The following ADD1 variants were observed in gnomAD, a reference collection of about 807,000 sequenced individuals.
ADD1 encodes the protein alpha-adducin.
In ADD1, 24 loss-of-function variants were observed where a neutral mutation model predicts 80.5. The observed-to-expected ratio is 0.30, with a 90% confidence interval of 0.22 to 0.42. The LOEUF (loss-of-function observed/expected upper bound fraction) is 0.42, where lower values mean the gene tolerates loss of function less well. Among genes scored for constraint, ADD1 ranks in the 10% least tolerant of loss-of-function variants. ADD1 has a pLI of 1.00. For missense variants in ADD1, 948 were observed against 1,019.0 expected (o/e 0.93, Z 0.95); for synonymous variants, 373 against 393.8 (o/e 0.95, Z 0.63).
intron 2 of ADD1, among the ~76,000 whole-genome samples, chr4:2,878,474 G>T (rs192183778): frequency 2.6e-5 from 4 of 152,174 alleles, no homozygotes; most frequent in Admixed American, 2.6e-4. Context: ...GTTTACTTAC[G>T]TAAAAACAAC....
intron 14 of ADD1, among the ~76,000 whole-genome samples, chr4:2,922,884 A>G (rs1299583042): frequency 1.3e-5 from 2 of 152,242 alleles, no homozygotes; most frequent in African/African-American, 2.4e-5. Flanking sequence ...GGCTTTGCAT[A>G]GCTGCGGTGG....
In ADD1 at chr4:2,926,069, G is replaced by C; in HGVS notation, c.2004G>C (p.Ala668=). The C allele has an allele frequency of 1.2e-6, 2 of 1,614,140 alleles. No homozygotes were observed. The highest frequency in any genetic ancestry group is 1.7e-6 in the Non-Finnish European group (2 of 1,180,020). Reference sequence around the variant, plus strand: ...AAAAGAGTCCTCCAGACCAGCCTGCGGTCCCCCACCCGCCTCCCAGCACTC... The same window carrying C: ...AAAAGAGTCCTCCAGACCAGCCTGCCGTCCCCCACCCGCCTCCCAGCACTC... ...QKEKSPPDQP[A]VPHPPPSTPI... The change falls in exon 15 of 16, where the codon GCG becomes GCC. Residue 668 remains alanine (A), a synonymous_variant. Transcript: ENST00000683351. This position sits in a 1 kb window ranked among gnomAD's most constrained non-coding sequence, Gnocchi z 5.0.
chr4:2,911,448 ATTT>A (rs33935514), intron 13 of ADD1, among the ~76,000 whole-genome samples: 1 of 130,512 alleles, frequency 7.7e-6, no homozygotes, highest in Non-Finnish European at 1.6e-5. Flanking sequence ...ATATATATAT[ATTT>A]TTTTTTTTTT....
intron 1 of ADD1, among the ~76,000 whole-genome samples, chr4:2,865,809 A>G (rs896512604): frequency 3.9e-5 from 6 of 152,188 alleles, no homozygotes; most frequent in Non-Finnish European, 7.3e-5. Context: ...ACTTCAACAA[A>G]ACTATAGTTA....
chr4:2,874,340 C>G (rs1730916177), intron 1 of ADD1, among the ~76,000 whole-genome samples: 1 of 152,174 alleles, frequency 6.6e-6, no homozygotes, highest in African/African-American at 2.4e-5. Context: ...GGGGCGGTGG[C>G]TAACGCCTAT....
chr4:2,905,277 C>T (rs945033616), intron 10 of ADD1, 169 bp downstream of exon 10: 5 of 632,418 alleles, frequency 7.9e-6, no homozygotes, highest in East Asian at 5.5e-5. Flanking sequence ...TACTAAAATT[C>T]GGATAATACT....
At chr4:2,859,147 T>C (rs1728492241) in intron 1 of ADD1, among the ~76,000 whole-genome samples, 1 of 152,152 alleles carries the variant, frequency 6.6e-6, no homozygotes, top group Non-Finnish European at 1.5e-5. Flanking sequence ...AAAAGAAATG[T>C]TTAAAATTAT....
At chr4:2,855,427 T>C (rs887232837) in intron 1 of ADD1, among the ~76,000 whole-genome samples, 2 of 152,088 alleles carry the variant, frequency 1.3e-5, no homozygotes, top group Non-Finnish European at 1.5e-5. Flanking sequence ...TTGTTTTTCT[T>C]TATATTCTTC....
intron 6 of ADD1, among the ~76,000 whole-genome samples, chr4:2,897,662 G>T (rs1156851312): frequency 6.6e-6 from 1 of 150,736 alleles, no homozygotes; most frequent in African/African-American, 2.4e-5. Context: ...CTTGACTACA[G>T]GTGCATGCCA....
Position 2,926,488 on chromosome 4 carries a change from T to C in ADD1, c.2047+376T>C. ...TCTCAGCCACCGTGTGTCTGTGGTG[T>C]GTGATCCCGGGTGTCTGTCCCTCGG... On this transcript the variant is annotated intron_variant, in intron 15 of 15. Coordinates refer to ENST00000683351, the MANE Select transcript of ADD1 (RefSeq NM_001354761.2). This position sits in a 1 kb window ranked among gnomAD's most constrained non-coding sequence, Gnocchi z 5.0. 1 of 793,768 alleles carries C rather than the reference T, an allele frequency of 1.3e-6. No homozygotes were observed. Among genetic ancestry groups the C allele is most frequent in the Non-Finnish European group, 2.1e-6 (1 of 473,888 alleles). The allele number at this position is 793,768 out of a possible 1,614,324, so 49.2% of individuals were successfully genotyped here.
chr4:2,853,518 T>C (rs1727624444), intron 1 of ADD1: 1 of 152,248 alleles, frequency 6.6e-6, no homozygotes, highest in Non-Finnish European at 1.5e-5. Context: ...ATTTTCATTA[T>C]GATTTCTTTT....
intron 15 of ADD1, among the ~76,000 whole-genome samples, chr4:2,927,455 G>T (rs78519268): frequency 5.3e-4 from 80 of 152,356 alleles, no homozygotes; most frequent in African/African-American, 1.8e-3. Flanking sequence ...AGCTTGTGGT[G>T]CCTAACCTGT....
At chr4:2,911,635 T>C (rs1738075467) in intron 13 of ADD1, among the ~76,000 whole-genome samples, 1 of 151,818 alleles carries the variant, frequency 6.6e-6, no homozygotes, top group African/African-American at 2.4e-5. Context: ...TTGTATTTTT[T>C]TGTAGAGACT....
chr4:2,871,061 C>A (rs546699027), intron 1 of ADD1, among the ~76,000 whole-genome samples: 2 of 151,632 alleles, frequency 1.3e-5, no homozygotes, highest in Non-Finnish European at 2.9e-5. Context: ...CTGTGCCTGC[C>A]GGGTTCATGC....
At position 2,891,445 on chromosome 4, in the gene ADD1, CAAAAAA is replaced by C. The variant is rs1347829085; in HGVS notation, c.511-2566_511-2561del. 2.8e-5 allele frequency among the ~76,000 whole-genome samples: 4 copies of C among 144,766 alleles called. No homozygotes were observed. In the South Asian group the frequency reaches 8.6e-4, roughly 31 times the overall value. The allele number at this position is 144,766 out of a possible 152,430, so 95.0% of individuals were successfully genotyped here. A position where few individuals can be genotyped will look rare whatever the true frequency, so the allele number is the denominator to read the frequency against. On this transcript the variant is annotated intron_variant, in intron 4 of 15. Transcript: ENST00000683351. ...CTGGGTGACAGAGTGAGCTTTGTCT[CAAAAAA>C]AGAAAAAAAAAAGATAAAGGAGCTG...
Position 2,928,709 on chromosome 4 carries a change from CACCCT to C in ADD1, c.*187_*191del. 1 of 588,042 alleles carries C rather than the reference CACCCT, an allele frequency of 1.7e-6. No homozygotes were observed. Among genetic ancestry groups the C allele is most frequent in the Admixed American group, 3.6e-5 (1 of 27,710 alleles). The allele number at this position is 588,042 out of a possible 1,614,324, so 36.4% of individuals were successfully genotyped here. A position where few individuals can be genotyped will look rare whatever the true frequency, so the allele number is the denominator to read the frequency against. ...CAGTGTGTGCTCAGCAGCCCCACCC[CACCCT>C]GCCCCTTGTCCTCTCAGAGCCTCAG... is the stretch of plus-strand genomic sequence containing the variant. On this transcript the variant is annotated 3_prime_UTR_variant, in exon 16 of 16. Coordinates refer to ENST00000683351, the MANE Select transcript of ADD1 (RefSeq NM_001354761.2).
chr4:2,875,483 G>GA lies in ADD1; in HGVS notation c.-20-405dup, dbSNP rs571591879. Reference sequence around the variant, plus strand: ...CAAAACCACTGCTGGTACCTTATGGGAAAAAAAATCAGAAATCAAATTTCT... The same window carrying GA: ...CAAAACCACTGCTGGTACCTTATGGGAAAAAAAAATCAGAAATCAAATTTCT... On this transcript the variant is annotated intron_variant, in intron 1 of 15. Coordinates refer to ENST00000683351, the MANE Select transcript of ADD1 (RefSeq NM_001354761.2). 4.1e-4 allele frequency among the ~76,000 whole-genome samples: 63 copies of GA among 151,950 alleles called. 1 individual carries two copies. Among genetic ancestry groups the GA allele is most frequent in the Middle Eastern group, 3.4e-3 (1 of 294 alleles).
intron 6 of ADD1, among the ~76,000 whole-genome samples, chr4:2,896,909 C>T (rs1388223906): frequency 1.3e-5 from 2 of 152,040 alleles, no homozygotes; most frequent in East Asian, 3.9e-4. Context: ...CAGGTGCACG[C>T]CACTGCACCT....
At chr4:2,917,739 A>G (rs1008669196) in intron 14 of ADD1, among the ~76,000 whole-genome samples, 3 of 152,174 alleles carry the variant, frequency 2.0e-5, no homozygotes, top group Non-Finnish European at 4.4e-5. Flanking sequence ...TTTTATGCAT[A>G]TGGCTATCCA....
Sources: allele counts gnomAD v4.1 joint callset (sites outside exome capture counted in the v4.1 genomes callset), GRCh38; gene constraint gnomAD v4.1.1; non-coding constraint Gnocchi (gnomAD v3.1); transcripts MANE v1.5; gene names NCBI Gene and HGNC (gene_info 2026-07-23, HGNC 2026-07-21).